The following PRELID2 variants were observed in gnomAD, a reference collection of about 807,000 sequenced individuals.
The protein encoded by PRELID2 is PRELI domain containing 2.
Under a neutral mutation model 28.4 loss-of-function variants are expected in PRELID2, and 25 were observed. That is an observed-to-expected ratio of 0.88 (90% CI 0.64 to 1.23). PRELID2 has a LOEUF of 1.23. Among genes scored for constraint, PRELID2 ranks in the 50% most tolerant of loss-of-function variants. The probability of loss-of-function intolerance (pLI) is 0.00; values close to 1 mark genes in which losing one functional copy is unlikely to be tolerated. For missense variants in PRELID2, 201 were observed against 214.4 expected, an observed-to-expected ratio of 0.94 and a Z score of 0.39; for synonymous variants, 76 against 71.6, an observed-to-expected ratio of 1.06 and a Z score of -0.31.
rs139733250 is a variant in PRELID2, at chr5:145,782,651, C to A, written c.474+13791G>T. On this transcript the variant is annotated intron_variant, in intron 5 of 6. Coordinates refer to ENST00000683046, the MANE Select transcript of PRELID2 (RefSeq NM_205846.3). ...TTTTAACAACCCTACCACATGCTTA[C>A]CATGGCTTCTGCTAATTAGCATTTT... Among the ~76,000 whole-genome samples the A allele has an allele frequency of 8.8e-3, 1,339 of 152,268 alleles. 24 individuals are homozygous for A. The highest frequency in any genetic ancestry group is 0.031 in the African/African-American group (1,278 of 41,562).
the PRELID2 span, among the ~76,000 whole-genome samples, chr5:145,389,111 A>G: frequency 6.6e-6 from 1 of 152,124 alleles, no homozygotes; most frequent in African/African-American, 2.4e-5. Flanking sequence ...CTTGCTGATT[A>G]TTTCATTCCT....
At chr5:145,754,776 C>G (rs140339648), downstream of PRELID2, among the ~76,000 whole-genome samples, 1 of 152,186 alleles carries the variant, frequency 6.6e-6, no homozygotes, top group African/African-American at 2.4e-5. Flanking sequence ...AAGAAGGGAC[C>G]AGATGATGCT....
intron 1 of PRELID2, among the ~76,000 whole-genome samples, chr5:145,604,260 A>C (rs147536838): frequency 6.6e-6 from 1 of 152,020 alleles, no homozygotes; most frequent in Non-Finnish European, 1.5e-5. Context: ...TCCACCCTCA[A>C]GTAGGCCCTA....
the PRELID2 span, among the ~76,000 whole-genome samples, chr5:145,324,328 C>G: frequency 3.3e-5 from 5 of 152,132 alleles, no homozygotes; most frequent in African/African-American, 9.7e-5. Flanking sequence ...AGAGGCATTC[C>G]TGTTTTCCTA....
chr5:145,816,532 A>C (rs1455793782), intron 4 of PRELID2, among the ~76,000 whole-genome samples: 1 of 152,158 alleles, frequency 6.6e-6, no homozygotes, highest in Admixed American at 6.5e-5. Flanking sequence ...ATTTATACCC[A>C]TGTTTATTTC....
intron 1 of PRELID2, among the ~76,000 whole-genome samples, chr5:145,492,211 G>A (rs576731066): frequency 3.3e-5 from 5 of 152,034 alleles, no homozygotes; most frequent in Non-Finnish European, 5.9e-5. Context: ...ATCTTTTGTC[G>A]CTTTGATACA....
intron 3 of PRELID2, among the ~76,000 whole-genome samples, chr5:145,818,986 A>G (rs1357812502): frequency 6.6e-6 from 1 of 152,134 alleles, no homozygotes; most frequent in East Asian, 1.9e-4. Flanking sequence ...TGCTGTTCCC[A>G]TGATAGTGAA....
the PRELID2 span, among the ~76,000 whole-genome samples, chr5:145,369,744 T>C: frequency 6.6e-6 from 1 of 152,118 alleles, no homozygotes; most frequent in Non-Finnish European, 1.5e-5. Context: ...ACCAACAGTG[T>C]AAAAGTGCTC....
At chr5:145,778,805 C>T (rs1561597474) in intron 5 of PRELID2, among the ~76,000 whole-genome samples, 2 of 152,210 alleles carry the variant, frequency 1.3e-5, no homozygotes, top group African/African-American at 4.8e-5. Flanking sequence ...GCCAGGCCGA[C>T]TGGGTGGAAT....
intron 1 of PRELID2, among the ~76,000 whole-genome samples, chr5:145,642,875 A>G (rs1754131514): frequency 2.0e-5 from 3 of 152,170 alleles, no homozygotes. Flanking sequence ...ATCGGTCAAT[A>G]TATCTGTTTT....
At chr5:145,525,405 T>A (rs1040874291) in intron 1 of PRELID2, among the ~76,000 whole-genome samples, 5 of 152,204 alleles carry the variant, frequency 3.3e-5, no homozygotes, top group Admixed American at 1.3e-4. Context: ...TCCTTAATGA[T>A]ATCGCCTTTT....
At chr5:145,239,979 T>G in the PRELID2 span, among the ~76,000 whole-genome samples, 1 of 152,070 alleles carries the variant, frequency 6.6e-6, no homozygotes, top group Non-Finnish European at 1.5e-5. Context: ...TATCGTTGAA[T>G]GCTGTTTTCT....
intron 4 of PRELID2, among the ~76,000 whole-genome samples, chr5:145,809,408 G>A (rs1170587028): frequency 5.9e-5 from 9 of 152,156 alleles, no homozygotes; most frequent in Non-Finnish European, 8.8e-5. Context: ...AGGAGAGGGT[G>A]GGCCAAATGG....
intron 1 of PRELID2, among the ~76,000 whole-genome samples, chr5:145,671,082 A>C (rs1437567928): frequency 6.6e-6 from 1 of 152,194 alleles, no homozygotes; most frequent in Non-Finnish European, 1.5e-5. Flanking sequence ...TAGCCCAGAA[A>C]TGGGAGCTAT....
chr5:145,812,327 C>A (rs968018486), intron 4 of PRELID2, among the ~76,000 whole-genome samples: 2 of 151,712 alleles, frequency 1.3e-5, no homozygotes, highest in Non-Finnish European at 2.9e-5. Context: ...TATGGAAATA[C>A]TGCCCACTTG....
chr5:145,238,971 A>ATCTATCTATCTATCTG, the PRELID2 span, among the ~76,000 whole-genome samples: 1 of 152,098 alleles, frequency 6.6e-6, no homozygotes, highest in African/African-American at 2.4e-5. Context: ...GTCTCTATCT[A>ATCTATCTATCTATCTG]TCTATCTATC....
chr5:145,683,819 G>A (rs1000319035), intron 1 of PRELID2, among the ~76,000 whole-genome samples: 1 of 152,150 alleles, frequency 6.6e-6, no homozygotes, highest in African/African-American at 2.4e-5. Flanking sequence ...TCACAAAGGG[G>A]GCTGCTTGGT....
chr5:145,694,469 A>G (rs1241734818), intron 1 of PRELID2, among the ~76,000 whole-genome samples: 1 of 152,204 alleles, frequency 6.6e-6, no homozygotes, highest in Non-Finnish European at 1.5e-5. Flanking sequence ...TGTTATTAAT[A>G]AAACACCATG....
At chr5:145,538,762 C>T (rs1179261617) in intron 1 of PRELID2, among the ~76,000 whole-genome samples, 1 of 151,866 alleles carries the variant, frequency 6.6e-6, no homozygotes, top group Non-Finnish European at 1.5e-5. Flanking sequence ...TCAGTGGCAT[C>T]CAAAGACAGA....
Sources: allele counts gnomAD v4.1 joint callset (sites outside exome capture counted in the v4.1 genomes callset), GRCh38; gene constraint gnomAD v4.1.1; transcripts MANE v1.5; gene names NCBI Gene and HGNC (gene_info 2026-07-23, HGNC 2026-07-21).